Variants in PPP2R3A observed in about 807,000 individuals in gnomAD.
PPP2R3A encodes protein phosphatase 2 regulatory subunit B''alpha, also known as serine/threonine-protein phosphatase 2A regulatory subunit B'' subunit alpha.
In PPP2R3A, 80 loss-of-function variants were observed where a neutral mutation model predicts 106.9. The ratio of observed to expected loss-of-function variants is 0.75; its 90% confidence interval spans 0.62 to 0.90. The LOEUF (loss-of-function observed/expected upper bound fraction) is 0.90, where lower values mean the gene tolerates loss of function less well. PPP2R3A is among the 40% of genes least tolerant of loss of function. The pLI, the probability that PPP2R3A is intolerant of heterozygous loss-of-function variation, is 0.00. For synonymous variants in PPP2R3A, 483 were observed against 468.3 expected (o/e 1.03, Z -0.41); for missense variants, 1,386 against 1,350.4 (o/e 1.03, Z -0.41).
rs1234343590 is a variant in PPP2R3A at position 136,002,271 on chromosome 3, C to G, written c.773C>G (p.Ser258Ter). The change falls in exon 2 of 14, where the codon TCA becomes TGA. Residue 258 changes from serine to a stop codon, truncating the protein, a stop_gained. Coordinates refer to ENST00000264977, the MANE Select transcript of PPP2R3A (RefSeq NM_002718.5). LOFTEE classifies it high-confidence loss of function. ...DIIKQCIKKK[S>*]GSSISEGSGN... Reference sequence around the variant, plus strand: ...ATAAAACAATGCATAAAGAAAAAATCAGGGAGTAGCATCAGTGAAGGAAGT... The same window carrying G: ...ATAAAACAATGCATAAAGAAAAAATGAGGGAGTAGCATCAGTGAAGGAAGT... 1 of 1,613,746 alleles carries G rather than the reference C, an allele frequency of 6.2e-7. No homozygotes were observed. The highest frequency in any genetic ancestry group is 8.5e-7 in the Non-Finnish European group (1 of 1,179,884).
intron 2 of PPP2R3A, 71 bp from the exon 3 acceptor site, chr3:136,026,761 G>A: frequency 7.1e-7 from 1 of 1,401,434 alleles, no homozygotes. Context: ...TTCTTATATT[G>A]CTGGTGAGAA....
At chr3:136,114,369 TTG>T (rs1937658886) in intron 13 of PPP2R3A, among the ~76,000 whole-genome samples, 1 of 152,120 alleles carries the variant, frequency 6.6e-6, no homozygotes, top group African/African-American at 2.4e-5. Flanking sequence ...TCAGGAGTTG[TTG>T]TTTTTTTTGT....
intron 7 of PPP2R3A, among the ~76,000 whole-genome samples, chr3:136,080,066 T>C (rs1166759982): frequency 6.6e-6 from 1 of 152,250 alleles, no homozygotes; most frequent in Non-Finnish European, 1.5e-5. Context: ...TATTCTCTTA[T>C]ATACATGTAG....
intron 5 of PPP2R3A, among the ~76,000 whole-genome samples, chr3:136,055,980 G>C (rs927197040): frequency 6.6e-6 from 1 of 152,168 alleles, no homozygotes; most frequent in African/African-American, 2.4e-5. Context: ...TCAGTCTGAT[G>C]ATCAAGGCCA....
intron 2 of PPP2R3A, among the ~76,000 whole-genome samples, chr3:136,004,587 A>G (rs933938202): frequency 1.2e-4 from 19 of 152,260 alleles, no homozygotes; most frequent in African/African-American, 4.6e-4. Flanking sequence ...AGCTATATGT[A>G]TCAACATGTA....
At chr3:136,068,921 C>T (rs934780517) in intron 5 of PPP2R3A, among the ~76,000 whole-genome samples, 2 of 152,006 alleles carry the variant, frequency 1.3e-5, no homozygotes, top group African/African-American at 4.8e-5. Context: ...GGTTCTCCTG[C>T]CAAAAATGTG....
chr3:136,137,765 TCTC>T (rs1380918192), intron 13 of PPP2R3A, among the ~76,000 whole-genome samples: 1 of 151,936 alleles, frequency 6.6e-6, no homozygotes, highest in Admixed American at 6.6e-5. Context: ...ACGATCTCGA[TCTC>T]CTGACCTCGT....
intron 2 of PPP2R3A, among the ~76,000 whole-genome samples, chr3:136,024,523 CAG>C (rs764585212): frequency 1.3e-5 from 2 of 152,098 alleles, no homozygotes; most frequent in Admixed American, 6.6e-5. Context: ...ATTTTATAAT[CAG>C]ATATTTTCCC....
chr3:136,043,438 G>T (rs947623726), intron 4 of PPP2R3A, among the ~76,000 whole-genome samples: 2 of 152,022 alleles, frequency 1.3e-5, no homozygotes, highest in African/African-American at 4.8e-5. Context: ...CAGCCTGGGT[G>T]ACAGAACGAG....
Position 136,002,328 on chromosome 3 carries a change from T to A in PPP2R3A, c.830T>A (p.Val277Asp). ...GNDTISSSET[V>D]YMNVMTRLAS... Reference sequence around the variant, plus strand: ...GATACAATTTCTAGCTCTGAAACTGTCTATATGAATGTAATGACCAGGTTA... The same window carrying A: ...GATACAATTTCTAGCTCTGAAACTGACTATATGAATGTAATGACCAGGTTA... Residue 277 changes from valine (V) to aspartate (D), a missense_variant, in exon 2 of 14, where the codon GTC (valine) becomes GAC (aspartate). Transcript: ENST00000264977. 6.2e-7 allele frequency: 1 copy of A among 1,613,790 alleles called. No individual in the cohort carries two copies. Among genetic ancestry groups the A allele is most frequent in the Non-Finnish European group, 8.5e-7 (1 of 1,179,802 alleles).
intron 4 of PPP2R3A, among the ~76,000 whole-genome samples, chr3:136,042,714 C>G (rs1213092357): frequency 1.3e-5 from 2 of 152,160 alleles, no homozygotes; most frequent in Admixed American, 6.5e-5. Flanking sequence ...GAGCAACTAT[C>G]CCTGTCTTTT....
intron 2 of PPP2R3A, among the ~76,000 whole-genome samples, chr3:136,019,573 ATTC>A (rs1346857921): frequency 1.3e-5 from 2 of 152,188 alleles, no homozygotes; most frequent in Non-Finnish European, 1.5e-5. Flanking sequence ...TAAAAACCAT[ATTC>A]TTTGGTGCTA....
At chr3:136,090,734 G>A in intron 10 of PPP2R3A, 67 bp downstream of exon 10, 2 of 1,344,256 alleles carry the variant, frequency 1.5e-6, no homozygotes, top group Middle Eastern at 3.6e-4. Flanking sequence ...AAGTCATGGT[G>A]TATATTATAC....
chr3:136,100,544 C>T lies in PPP2R3A; in HGVS notation c.2928-1463C>T, dbSNP rs777657225. 3.3e-5 allele frequency among the ~76,000 whole-genome samples: 5 copies of T among 151,400 alleles called. 1 individual carries two copies. The Middle Eastern group carries it at 0.017, about 518-fold the overall frequency. On this transcript the variant is annotated intron_variant, in intron 10 of 13. Transcript: ENST00000264977. Reference sequence around the variant, plus strand: ...AAAAAAAAAAATTAGTTGAGCATGGCGGCAGGCACCTGTCATCCCAGCTAC... The same window carrying T: ...AAAAAAAAAAATTAGTTGAGCATGGTGGCAGGCACCTGTCATCCCAGCTAC...
intron 13 of PPP2R3A, among the ~76,000 whole-genome samples, chr3:136,138,339 C>T (rs1938705819): frequency 6.6e-6 from 1 of 152,088 alleles, no homozygotes; most frequent in Non-Finnish European, 1.5e-5. Flanking sequence ...TATATTTAGC[C>T]CACATTTTTA....
At chr3:136,082,207 A>G (rs941450480) in intron 7 of PPP2R3A, 58 bp from the exon 8 acceptor site, 8 of 1,432,322 alleles carry the variant, frequency 5.6e-6, no homozygotes, top group Non-Finnish European at 7.7e-6. Context: ...TAGACTCTGC[A>G]CAGTGGCCAA....
intron 2 of PPP2R3A, among the ~76,000 whole-genome samples, chr3:136,007,316 C>T (rs1933882886): frequency 6.6e-6 from 1 of 152,152 alleles, no homozygotes; most frequent in South Asian, 2.1e-4. Context: ...CACTTTCCTG[C>T]TTTGTCTCCT....
chr3:136,109,087 T>C (rs1937558912), intron 13 of PPP2R3A, among the ~76,000 whole-genome samples: 1 of 152,024 alleles, frequency 6.6e-6, no homozygotes, highest in Non-Finnish European at 1.5e-5. Flanking sequence ...CTATGGGCAT[T>C]AAAAGAGAGC....
chr3:136,026,682 C>G, intron 2 of PPP2R3A, 150 bp from the exon 3 acceptor site: 1 of 606,804 alleles, frequency 1.6e-6, no homozygotes, highest in South Asian at 2.8e-5. Flanking sequence ...GATAAGCATT[C>G]CCTAGAAACA....
Sources: allele counts gnomAD v4.1 joint callset (sites outside exome capture counted in the v4.1 genomes callset), GRCh38; gene constraint gnomAD v4.1.1; transcripts MANE v1.5; gene names NCBI Gene and HGNC (gene_info 2026-07-23, HGNC 2026-07-21).